Variants in RALGAPB observed in about 807,000 individuals in gnomAD.
RALGAPB encodes Ral GTPase activating protein non-catalytic subunit beta.
In RALGAPB, 25 loss-of-function variants were observed where a neutral mutation model predicts 161.1. That is an observed-to-expected ratio of 0.16 (90% CI 0.11 to 0.22). The LOEUF is 0.22. RALGAPB is among the 10% of genes least tolerant of loss of function. The pLI, the probability that RALGAPB is intolerant of heterozygous loss-of-function variation, is 1.00. For synonymous variants in RALGAPB, 629 were observed against 626.1 expected, an observed-to-expected ratio of 1.00 and a Z score of -0.07; for missense variants, 1,391 against 1,815.2, an observed-to-expected ratio of 0.77 and a Z score of 4.25.
chr20:38,569,590 G>T (rs1443150296), intron 26 of RALGAPB: 2 of 261,792 alleles, frequency 7.6e-6, no homozygotes, highest in Middle Eastern at 1.2e-3. Context: ...AATCTTTTAA[G>T]CCCTCATTAA....
chr20:38,494,877 T>C (rs2085376656), intron 3 of RALGAPB, among the ~76,000 whole-genome samples: 1 of 152,230 alleles, frequency 6.6e-6, no homozygotes, highest in Admixed American at 6.5e-5. Flanking sequence ...GAAAAAAAAT[T>C]AATGGCATTT....
At chr20:38,475,771 C>T (rs971987065) in intron 1 of RALGAPB, among the ~76,000 whole-genome samples, 10 of 151,982 alleles carry the variant, frequency 6.6e-5, no homozygotes, top group African/African-American at 2.4e-4. Flanking sequence ...CCCACCACCA[C>T]ACCTGGCTAA....
intron 24 of RALGAPB, 107 bp from the exon 25 acceptor site, chr20:38,565,252 T>C (rs1280237831): frequency 3.1e-6 from 4 of 1,291,286 alleles, no homozygotes; most frequent in Non-Finnish European, 4.3e-6. Context: ...TGAAAACATA[T>C]ATTCTATTTA....
In RALGAPB at chr20:38,488,438, C is replaced by T. The variant is rs765014340; in HGVS notation, c.6C>T (p.Tyr2=). 7 of 1,612,750 alleles carry T rather than the reference C, an allele frequency of 4.3e-6. No individual in the cohort carries two copies. The highest frequency in any genetic ancestry group is 1.3e-5 in the African/African-American group (1 of 74,900). M[Y]SEWRSLHLVI... is the part of the protein sequence containing the mutation. The stretch of plus-strand genomic sequence containing the variant: ...GATTGTACTTTAGTGGCACGATGTA[C>T]TCTGAGTGGAGGTCACTGCATTTGG... Residue 2 remains tyrosine (Y), a synonymous_variant, in exon 2 of 30, where the codon TAC becomes TAT. Coordinates refer to ENST00000262879, the MANE Select transcript of RALGAPB (RefSeq NM_020336.4).
chr20:38,500,373 CT>C, intron 5 of RALGAPB, among the ~76,000 whole-genome samples: 2 of 152,092 alleles, frequency 1.3e-5, no homozygotes, highest in Non-Finnish European at 2.9e-5. Context: ...GTATTTCAAA[CT>C]TTTACTGTTA....
intron 14 of RALGAPB, among the ~76,000 whole-genome samples, chr20:38,532,169 C>T (rs1464476395): frequency 6.6e-6 from 1 of 152,320 alleles, no homozygotes; most frequent in Non-Finnish European, 1.5e-5. Flanking sequence ...CATTCTTCTG[C>T]CTCAGCCTCC....
At position 38,550,146 on chromosome 20, in the gene RALGAPB, G is replaced by A. The variant is rs374231660; in HGVS notation, c.3010-925G>A. 1.1e-4 allele frequency among the ~76,000 whole-genome samples: 17 copies of A among 152,304 alleles called. No homozygotes were observed. The East Asian group carries it at 1.5e-3, about 14-fold the overall frequency. On this transcript the variant is annotated intron_variant, in intron 20 of 29. Coordinates refer to ENST00000262879, the MANE Select transcript of RALGAPB (RefSeq NM_020336.4). ...ACATCACACTCTGGGGCCTGTTGTC[G>A]GGTAGGGGGAGTGGGGAGGGATAGC...
chr20:38,495,128 A>C (rs921014482), intron 3 of RALGAPB, among the ~76,000 whole-genome samples: 3 of 152,126 alleles, frequency 2.0e-5, no homozygotes, highest in African/African-American at 7.2e-5. Context: ...CCATTATTTG[A>C]AGTTTTAGTT....
chr20:38,516,404 AG>A, intron 7 of RALGAPB, 34 bp downstream of exon 7: 1 of 1,573,012 alleles, frequency 6.4e-7, no homozygotes, highest in Non-Finnish European at 8.7e-7. Flanking sequence ...ATGTATGAAG[AG>A]CTTCATTTAG....
intron 2 of RALGAPB, 119 bp downstream of exon 2, chr20:38,488,737 C>T (rs912138358): frequency 1.0e-5 from 10 of 966,404 alleles, no homozygotes; most frequent in African/African-American, 1.6e-5. Context: ...AGAATAACGT[C>T]AACTTTTTAA....
At chr20:38,540,179 A>G (rs2086924366) in intron 17 of RALGAPB, among the ~76,000 whole-genome samples, 1 of 152,218 alleles carries the variant, frequency 6.6e-6, no homozygotes, top group African/African-American at 2.4e-5. Context: ...ATTGTTTAGA[A>G]AGATGAGACC....
chr20:38,502,663 G>A (rs1169718976), intron 5 of RALGAPB, among the ~76,000 whole-genome samples: 1 of 152,128 alleles, frequency 6.6e-6, no homozygotes, highest in African/African-American at 2.4e-5. Flanking sequence ...TCAGCTCACT[G>A]CAACCTCTGC....
At chr20:38,500,780 C>T (rs981023038) in intron 5 of RALGAPB, among the ~76,000 whole-genome samples, 2 of 152,106 alleles carry the variant, frequency 1.3e-5, no homozygotes, top group Non-Finnish European at 2.9e-5. Context: ...CATGCTACAC[C>T]ACTGAACACA....
intron 20 of RALGAPB, among the ~76,000 whole-genome samples, chr20:38,549,240 T>A (rs1038063659): frequency 1.6e-4 from 25 of 152,088 alleles, no homozygotes; most frequent in African/African-American, 5.8e-4. Flanking sequence ...TTATTTTTTT[T>A]ATAAAGAGTC....
At chr20:38,529,728 A>T (rs1285108153) in intron 13 of RALGAPB, among the ~76,000 whole-genome samples, 1 of 150,636 alleles carries the variant, frequency 6.6e-6, no homozygotes, top group East Asian at 2.0e-4. Context: ...CTGTAATTCC[A>T]GCTACTCGGA....
intron 1 of RALGAPB, among the ~76,000 whole-genome samples, chr20:38,483,865 C>A (rs1272701527): frequency 6.6e-6 from 1 of 152,094 alleles, no homozygotes; most frequent in African/African-American, 2.4e-5. Flanking sequence ...GCCTAAGCCG[C>A]AACAGCAAGA....
chr20:38,476,044 CA>C (rs1486647021), intron 1 of RALGAPB, among the ~76,000 whole-genome samples: 1 of 152,184 alleles, frequency 6.6e-6, no homozygotes, highest in Non-Finnish European at 1.5e-5. Context: ...TTCAGATACT[CA>C]AGAAACTTGT....
chr20:38,478,304 C>T (rs1160230257), intron 1 of RALGAPB, among the ~76,000 whole-genome samples: 1 of 152,196 alleles, frequency 6.6e-6, no homozygotes, highest in African/African-American at 2.4e-5. Context: ...TGGTTAGTGA[C>T]GTCTGTCTTA....
chr20:38,553,915 G>A lies in RALGAPB; in HGVS notation c.3211G>A (p.Ala1071Thr). 6.2e-7 allele frequency: 1 copy of A among 1,613,352 alleles called. No homozygotes were observed. Among genetic ancestry groups the A allele is most frequent in the Non-Finnish European group, 8.5e-7 (1 of 1,179,700 alleles). ...AAGGAGTGGCATGGCCCAGCAGATTGCTTATGAAATACACCTTGAGCAACA... is the reference window on the plus strand; with the variant it reads ...AAGGAGTGGCATGGCCCAGCAGATTACTTATGAAATACACCTTGAGCAACA... The part of the protein sequence containing the change: ...KLRSGMAQQI[A>T]YEIHLEQQSE... The change falls in exon 22 of 30, where the codon GCT becomes ACT. Residue 1071 changes from alanine to threonine, a missense_variant. Ala to Thr is a moderately conservative substitution (Grantham distance 58). This residue lies in a region of RALGAPB where 436 missense variants were observed against 527.0 expected (regional missense o/e 0.83). Transcript: ENST00000262879.
Sources: allele counts gnomAD v4.1 joint callset (sites outside exome capture counted in the v4.1 genomes callset), GRCh38; gene constraint gnomAD v4.1.1; regional missense constraint gnomAD v4.1.1; transcripts MANE v1.5; gene names NCBI Gene and HGNC (gene_info 2026-07-23, HGNC 2026-07-21).